RIF1: variants seen among roughly 807,000 people sequenced by gnomAD.
The protein encoded by RIF1 is replication timing regulatory factor 1, also known as telomere-associated protein RIF1.
Under a neutral mutation model 247.1 loss-of-function variants are expected in RIF1, and 45 were observed. The ratio of observed to expected loss-of-function variants is 0.18; its 90% CI spans 0.14 to 0.23. RIF1 has a LOEUF of 0.23. Ranked by LOEUF, RIF1 falls within the 10% of genes least tolerant of loss-of-function variation. RIF1 has a pLI of 1.00. For missense variants in RIF1, 2,967 were observed against 2,862.5 expected (o/e 1.04, Z -0.83); for synonymous variants, 1,087 against 978.8 (o/e 1.11, Z -2.06).
At position 151,463,783 on chromosome 2, in the gene RIF1, T is replaced by A; in HGVS notation, c.4263T>A (p.Arg1421=). The A allele has an allele frequency of 6.2e-7, 1 of 1,613,696 alleles. No individual in the cohort carries two copies. The highest frequency in any genetic ancestry group is 1.1e-5 in the South Asian group (1 of 91,026). ...CCCTTAGACGGTCTTCAAGGCGACG[T>A]TCAGAAGTAGTAGAGTCTACCACTG... ...QKTLRRSSRR[R]SEVVESTTES... Residue 1421 remains arginine, a synonymous_variant, in exon 30 of 36, where the codon CGT becomes CGA. Coordinates refer to ENST00000444746, the MANE Select transcript of RIF1 (RefSeq NM_018151.5).
downstream of RIF1, chr2:151,508,091 C>T (rs1330783343): frequency 1.2e-6 from 2 of 1,606,994 alleles, no homozygotes; most frequent in Admixed American, 1.7e-5. Context: ...GACTTCTCAG[C>T]ATCTTCCTTG....
At chr2:151,507,929 C>T (rs2070654753) in exon 14 of RIF1, 6 of 1,042,384 alleles carry the variant, frequency 5.8e-6, no homozygotes, top group Non-Finnish European at 8.8e-6. Context: ...CACTGCAAGC[C>T]TGGGATATCC....
chr2:151,500,718 C>T (rs892895635), intron 11 of RIF1, among the ~76,000 whole-genome samples: 2 of 151,826 alleles, frequency 1.3e-5, no homozygotes, highest in Non-Finnish European at 1.5e-5. Flanking sequence ...CCACCTCAGC[C>T]TCCCAAGTAG....
At chr2:151,498,112 T>C in intron 10 of RIF1, 1 of 1,505,520 alleles carries the variant, frequency 6.6e-7, no homozygotes, top group Non-Finnish European at 8.9e-7. Flanking sequence ...TTAACTGTAT[T>C]ATAGAAATGG....
intron 26 of RIF1, among the ~76,000 whole-genome samples, chr2:151,460,536 T>G (rs200430377): frequency 1.9e-4 from 3 of 15,954 alleles, no homozygotes; most frequent in African/African-American, 4.2e-4. Context: ...TCTTATCAAC[T>G]AGCTCATGCT....
chr2:151,458,335 C>T (rs1355179314), intron 24 of RIF1, among the ~76,000 whole-genome samples: 8 of 147,352 alleles, frequency 5.4e-5, no homozygotes, highest in South Asian at 4.2e-4. Flanking sequence ...CGGGTTCAAG[C>T]GATTCTCCTG....
chr2:151,526,653 C>A, the RIF1 span, among the ~76,000 whole-genome samples: 2 of 152,194 alleles, frequency 1.3e-5, no homozygotes, highest in African/African-American at 4.8e-5. Context: ...TCCAGCCAGG[C>A]CTTCAGGGTC....
Position 151,451,717 on chromosome 2 carries a change from T to C in RIF1, c.2344+12T>C, listed in dbSNP as rs1387092241. ...GCCCAAAGTTAAATGTAAGTATGTA[T>C]TTTTTAACCTTTGTTTGTCCAGTAT... On this transcript the variant is annotated intron_variant, in intron 21 of 35. Coordinates refer to ENST00000444746, the MANE Select transcript of RIF1 (RefSeq NM_018151.5). 1.6e-6 allele frequency: 2 copies of C among 1,286,238 alleles called. No homozygotes were observed. Among genetic ancestry groups the C allele is most frequent in the Admixed American group, 3.4e-5 (2 of 58,940 alleles). The allele number at this position is 1,286,238 out of a possible 1,614,324, so 79.7% of individuals were successfully genotyped here.
intron 33 of RIF1, 99 bp downstream of exon 33, chr2:151,468,855 A>T: frequency 3.6e-6 from 3 of 838,844 alleles, no homozygotes; most frequent in Non-Finnish European, 6.0e-6. Flanking sequence ...ATTGATTGGC[A>T]TGTACTCTCA....
At chr2:151,436,698 G>A in intron 11 of RIF1, 129 bp from the exon 12 acceptor site, 1 of 651,290 alleles carries the variant, frequency 1.5e-6, no homozygotes, top group Non-Finnish European at 2.5e-6. Context: ...AATATTTCAA[G>A]GTATGGATTA....
chr2:151,432,725 A>T (rs1367679898), intron 9 of RIF1, among the ~76,000 whole-genome samples: 2 of 152,146 alleles, frequency 1.3e-5, no homozygotes, highest in Non-Finnish European at 2.9e-5. Flanking sequence ...GTGGTGTTGA[A>T]GTTTAGTAGC....
At chr2:151,486,045 A>C, downstream of RIF1, 5 of 1,106,692 alleles carry the variant, frequency 4.5e-6, no homozygotes, top group Non-Finnish European at 6.5e-6. Context: ...AGTTGAACAA[A>C]AGAGAATGTG....
chr2:151,466,116 A>G lies in RIF1; in HGVS notation c.6596A>G (p.Asn2199Ser). ...SQEDEISSPV[N>S]KVRRVSFADP... is the part of the protein sequence containing the mutation. ...GAAGATGAAATCTCATCACCTGTTA[A>G]TAAGGTAAGGGGAATGAGGCTAAAT... Residue 2199 changes from asparagine to serine, a missense_variant, in exon 30 of 36, where the codon AAT (asparagine) becomes AGT (serine). Physicochemically the swap from Asn to Ser is conservative, Grantham distance 46. Around this residue, in one of 7 missense-constraint regions of RIF1, gnomAD observed 2,028 missense variants for 1,825.6 expected, o/e 1.11. Transcript: ENST00000444746. The G allele has an allele frequency of 3.8e-6, 6 of 1,565,656 alleles. No homozygotes were observed. Among genetic ancestry groups the G allele is most frequent in the Non-Finnish European group, 5.2e-6 (6 of 1,147,314 alleles).
chr2:151,411,188 T>C, intron 2 of RIF1, 72 bp from the exon 3 acceptor site: 3 of 908,202 alleles, frequency 3.3e-6, no homozygotes, highest in Non-Finnish European at 5.3e-6. Flanking sequence ...AAAAAGATTG[T>C]ACATGTATTT....
Position 151,411,341 on chromosome 2 carries a change from A to T in RIF1, c.183+3A>T, listed in dbSNP as rs773307697. ...CTCGGCTGTACAAAGTTTTAAAGGT[A>T]TGTATCTGTTTGTTAAACAGTTTTT... On this transcript the variant is annotated splice_donor_region_variant and intron_variant, in intron 3 of 35. Transcript: ENST00000444746. 7.9e-6 allele frequency: 12 copies of T among 1,527,984 alleles called. No individual in the cohort carries two copies. Among genetic ancestry groups the T allele is most frequent in the Non-Finnish European group, 9.8e-6 (11 of 1,118,440 alleles). 94.7% of individuals were successfully genotyped at this position (1,527,984 alleles called of 1,614,324 possible). A position where few individuals can be genotyped will look rare whatever the true frequency, so the allele number is the denominator to read the frequency against.
intron 9 of RIF1, among the ~76,000 whole-genome samples, chr2:151,487,449 T>G (rs2051743462): frequency 6.6e-6 from 1 of 152,230 alleles, no homozygotes. Context: ...CTTTCCCCTT[T>G]GCATAAGTGG....
intron 13 of RIF1, chr2:151,507,663 A>C: frequency 4.2e-6 from 1 of 236,764 alleles, no homozygotes; most frequent in Non-Finnish European, 8.3e-6. Context: ...TTCTTTGGGT[A>C]GTCATTTCTG....
intron 2 of RIF1, 63 bp downstream of exon 2, chr2:151,410,590 G>T: frequency 7.7e-7 from 1 of 1,298,996 alleles, no homozygotes; most frequent in Non-Finnish European, 1.1e-6. Flanking sequence ...AAAGAAGGTG[G>T]TTGGGAGGGG....
rs540324722 is a variant in RIF1 at position 151,425,550 on chromosome 2, T to A, written c.786+2508T>A. 2.0e-5 allele frequency among the ~76,000 whole-genome samples: 3 copies of A among 152,150 alleles called. No individual in the cohort carries two copies. In the East Asian group the frequency reaches 5.8e-4, roughly 29 times the overall value. On this transcript the variant is annotated intron_variant, in intron 8 of 35. Coordinates refer to ENST00000444746, the MANE Select transcript of RIF1 (RefSeq NM_018151.5). ...TCTTTGAACCATTTTGAGTGAATATTTGGATATGGTGTAAGGTGAGAGTCC... is the reference window on the plus strand; with the variant it reads ...TCTTTGAACCATTTTGAGTGAATATATGGATATGGTGTAAGGTGAGAGTCC...
Sources: gnomAD v4.1 joint callset for allele counts (sites outside exome capture counted in the v4.1 genomes callset) on GRCh38, gnomAD v4.1.1 for gene constraint, gnomAD v4.1.1 regional missense constraint, MANE v1.5 for transcripts, NCBI Gene and HGNC (gene_info 2026-07-23, HGNC 2026-07-21) for gene names.